Variants in KIF13A observed in about 807,000 individuals in gnomAD.
The protein encoded by KIF13A is kinesin family member 13A, also known as kinesin-like protein KIF13A.
KIF13A carries 79 observed loss-of-function variants against 212.2 expected under a neutral mutation model. The ratio of observed to expected loss-of-function variants is 0.37; its 90% confidence interval spans 0.31 to 0.45. The LOEUF (loss-of-function observed/expected upper bound fraction) is 0.45, where lower values mean the gene tolerates loss of function less well. KIF13A is among the 20% of genes least tolerant of loss of function. The pLI, the probability that KIF13A is intolerant of heterozygous loss-of-function variation, is 1.00. For missense variants in KIF13A, 1,901 were observed against 2,209.0 expected, an observed-to-expected ratio of 0.86 and a Z score of 2.79; for synonymous variants, 789 against 808.6, an observed-to-expected ratio of 0.98 and a Z score of 0.41.
rs1054891167 is a variant in KIF13A at position 17,915,125 on chromosome 6, A to G, written c.147-16945T>C. 6.6e-6 allele frequency among the ~76,000 whole-genome samples: 1 copy of G among 152,190 alleles called. No homozygotes were observed. The highest frequency in any genetic ancestry group is 1.5e-5 in the Non-Finnish European group (1 of 68,030). The stretch of plus-strand genomic sequence containing the variant: ...GAGATAATATATTTGACTTTTCTAC[A>G]TTAGGGAGTCAGAACCAAACTTCAT... On this transcript the variant is annotated intron_variant, in intron 2 of 38. Transcript: ENST00000259711. This position sits in a 1 kb window ranked among gnomAD's most constrained non-coding sequence, Gnocchi z 4.4.
chr6:17,815,594 C>T (rs918705831), intron 17 of KIF13A: 2 of 440,258 alleles, frequency 4.5e-6, no homozygotes, highest in African/African-American at 4.0e-5. Flanking sequence ...CACTGTGTCC[C>T]TTCAGCTCCT....
chr6:17,827,942 T>C (rs1765113639), intron 14 of KIF13A, among the ~76,000 whole-genome samples: 1 of 152,216 alleles, frequency 6.6e-6, no homozygotes, highest in Middle Eastern at 3.2e-3. Flanking sequence ...AAAAGAAATG[T>C]CACTTTGAGT....
chr6:17,820,828 A>G (rs1041154689), intron 16 of KIF13A, among the ~76,000 whole-genome samples: 2 of 152,220 alleles, frequency 1.3e-5, no homozygotes, highest in African/African-American at 4.8e-5. Context: ...AAGAATGGAA[A>G]AGAAAAAATG....
At chr6:17,937,892 G>C (rs1776616270) in intron 2 of KIF13A, among the ~76,000 whole-genome samples, 1 of 152,086 alleles carries the variant, frequency 6.6e-6, no homozygotes, top group Non-Finnish European at 1.5e-5. Flanking sequence ...GGGGCCACAG[G>C]CGTGCAACAC....
chr6:17,819,919 T>A (rs765411214), intron 16 of KIF13A, among the ~76,000 whole-genome samples: 18 of 152,124 alleles, frequency 1.2e-4, no homozygotes, highest in Non-Finnish European at 1.6e-4. Flanking sequence ...TATATTTAGA[T>A]GGAGCCCAAC....
In KIF13A at chr6:17,843,910, T is replaced by C. The variant is rs1248564545; in HGVS notation, c.830+5467A>G. 6.6e-6 allele frequency among the ~76,000 whole-genome samples: 1 copy of C among 151,982 alleles called. No individual in the cohort carries two copies. The highest frequency in any genetic ancestry group is 1.5e-5 in the Non-Finnish European group (1 of 67,988). ...AAATACAAAAATTAACTGAGCGTGG[T>C]GGCGCACGCCTATAATCCCAGCTAC... On this transcript the variant is annotated intron_variant, in intron 9 of 38. Transcript: ENST00000259711. This position sits in a 1 kb window ranked among gnomAD's most constrained non-coding sequence, Gnocchi z 5.3.
At position 17,987,154 on chromosome 6, in the gene KIF13A, G is replaced by A; in HGVS notation, c.56-10C>T. 3 of 1,603,620 alleles carry A rather than the reference G, an allele frequency of 1.9e-6. No individual in the cohort carries two copies. The highest frequency in any genetic ancestry group is 4.5e-5 in the East Asian group (2 of 44,548). On this transcript the variant is annotated splice_polypyrimidine_tract_variant and intron_variant, in intron 1 of 38. Transcript: ENST00000259711. This position sits in a 1 kb window ranked among gnomAD's most constrained non-coding sequence, Gnocchi z 7.7. ...GTGTTCAGTTCCAGTTCTGAAAGCAGAGAGAAAGGGACGTTGCAAAGTCCA... is the reference window on the plus strand; with the variant it reads ...GTGTTCAGTTCCAGTTCTGAAAGCAAAGAGAAAGGGACGTTGCAAAGTCCA...
Position 17,799,660 on chromosome 6 carries a change from T to C in KIF13A, c.2617-221A>G, listed in dbSNP as rs1762323076. 6.6e-6 allele frequency among the ~76,000 whole-genome samples: 1 copy of C among 152,132 alleles called. No individual in the cohort carries two copies. The highest frequency in any genetic ancestry group is 1.5e-5 in the Non-Finnish European group (1 of 68,034). On this transcript the variant is annotated intron_variant, in intron 21 of 38. Coordinates refer to ENST00000259711, the MANE Select transcript of KIF13A (RefSeq NM_022113.6). This position sits in a 1 kb window ranked among gnomAD's most constrained non-coding sequence, Gnocchi z 4.4. ...ATAAACTTGGCAACAAATACACACA[T>C]TCCTGCAAAAGCTTCCTAATGACTG...
chr6:17,869,389 C>G (rs1769789296), intron 4 of KIF13A, among the ~76,000 whole-genome samples: 2 of 152,300 alleles, frequency 1.3e-5, no homozygotes, highest in African/African-American at 4.8e-5. Context: ...TTCCTCCTCC[C>G]TAAGTCGCCA....
At chr6:17,866,893 AT>A (rs1346534151) in intron 4 of KIF13A, among the ~76,000 whole-genome samples, 1 of 147,024 alleles carries the variant, frequency 6.8e-6, no homozygotes, top group Non-Finnish European at 1.5e-5. Flanking sequence ...ACACACATAT[AT>A]ATACACTTAA....
intron 2 of KIF13A, among the ~76,000 whole-genome samples, chr6:17,966,494 GAA>G (rs564501705): frequency 2.3e-5 from 2 of 87,676 alleles, no homozygotes; most frequent in Non-Finnish European, 4.5e-5. Flanking sequence ...CAAAAGTTCT[GAA>G]AAAAAAAAAA....
At chr6:17,889,768 C>T (rs1378909934) in intron 3 of KIF13A, among the ~76,000 whole-genome samples, 2 of 152,148 alleles carry the variant, frequency 1.3e-5, no homozygotes, top group Admixed American at 6.5e-5. Context: ...GAGGCCTAGA[C>T]TGGAGCCAAG....
At position 17,839,138 on chromosome 6, in the gene KIF13A, T is replaced by A. The variant is rs1766263335; in HGVS notation, c.831-1555A>T. Among the ~76,000 whole-genome samples, 1 of 152,180 alleles carries A rather than the reference T, an allele frequency of 6.6e-6. No individual in the cohort carries two copies. The highest frequency in any genetic ancestry group is 6.5e-5 in the Admixed American group (1 of 15,278). ...CCCAGCCAAGAAGCTTAATTAATAC[T>A]TAATGAGTACAATGTATGTTATTCA... On this transcript the variant is annotated intron_variant, in intron 9 of 38. Transcript: ENST00000259711. This position sits in a 1 kb window ranked among gnomAD's most constrained non-coding sequence, Gnocchi z 4.3.
rs1781171981 is a variant in KIF13A at position 17,982,407 on chromosome 6, T to C, written c.146+4647A>G. Reference sequence around the variant, plus strand: ...GCCACTGTGTCTGGCCCCCAGGATTTGGAGCATTTTAGATTTCAGATGTTC... The same window carrying C: ...GCCACTGTGTCTGGCCCCCAGGATTCGGAGCATTTTAGATTTCAGATGTTC... On this transcript the variant is annotated intron_variant, in intron 2 of 38. Coordinates refer to ENST00000259711, the MANE Select transcript of KIF13A (RefSeq NM_022113.6). This position sits in a 1 kb window ranked among gnomAD's most constrained non-coding sequence, Gnocchi z 5.1. 3 of 983,556 alleles carry C rather than the reference T, an allele frequency of 3.1e-6. No homozygotes were observed. The highest frequency in any genetic ancestry group is 2.4e-6 in the Non-Finnish European group (2 of 828,390). 60.9% of individuals were successfully genotyped at this position (983,556 alleles called of 1,614,324 possible). A position where few individuals can be genotyped will look rare whatever the true frequency, so the allele number is the denominator to read the frequency against.
Position 17,947,241 on chromosome 6 carries a change from A to G in KIF13A, c.146+39813T>C, listed in dbSNP as rs1282838790. Among the ~76,000 whole-genome samples the G allele has an allele frequency of 6.6e-6, 1 of 152,194 alleles. No individual in the cohort carries two copies. Among genetic ancestry groups the G allele is most frequent in the Non-Finnish European group, 1.5e-5 (1 of 68,026 alleles). On this transcript the variant is annotated intron_variant, in intron 2 of 38. Coordinates refer to ENST00000259711, the MANE Select transcript of KIF13A (RefSeq NM_022113.6). The surrounding 1 kb of genome is among the most constrained non-coding windows in gnomAD (Gnocchi z 4.6). ...GGGAATAAGTGATATAAGAGACAAA[A>G]AAGTACAAGTTGGGTGGTGATACAA... is the stretch of plus-strand genomic sequence containing the variant.
chr6:17,904,414 G>C (rs1353937263), intron 2 of KIF13A, among the ~76,000 whole-genome samples: 7 of 152,320 alleles, frequency 4.6e-5, no homozygotes, highest in South Asian at 2.1e-4. Context: ...GTTGCAGTGA[G>C]CCGAGATTGC....
In KIF13A at chr6:17,850,185, G is replaced by A; in HGVS notation, c.717+138C>T. 1.2e-6 allele frequency: 1 copy of A among 830,284 alleles called. No individual in the cohort carries two copies. The highest frequency in any genetic ancestry group is 1.7e-6 in the Non-Finnish European group (1 of 572,012). 51.4% of individuals were successfully genotyped at this position (830,284 alleles called of 1,614,324 possible). On this transcript the variant is annotated intron_variant, in intron 8 of 38. Transcript: ENST00000259711. This position sits in a 1 kb window ranked among gnomAD's most constrained non-coding sequence, Gnocchi z 6.2. ...AAAGACCTAACAAATTAAATGATAA[G>A]CAAAGTAGCTCACCTAGTAAGCAGA...
chr6:17,943,020 A>G (rs900392873), intron 2 of KIF13A, among the ~76,000 whole-genome samples: 3 of 152,094 alleles, frequency 2.0e-5, no homozygotes, highest in Non-Finnish European at 4.4e-5. Context: ...CAAAAAAAAG[A>G]GTAGATTAAA....
intron 2 of KIF13A, among the ~76,000 whole-genome samples, chr6:17,901,229 A>C (rs563038590): frequency 6.6e-6 from 1 of 152,250 alleles, no homozygotes; most frequent in African/African-American, 2.4e-5. Flanking sequence ...TCTAGAGGCT[A>C]TATGTCCTTC....
Sources: gnomAD v4.1 joint callset for allele counts (sites outside exome capture counted in the v4.1 genomes callset) on GRCh38, gnomAD v4.1.1 for gene constraint, Gnocchi (gnomAD v3.1) non-coding constraint, MANE v1.5 for transcripts, NCBI Gene and HGNC (gene_info 2026-07-23, HGNC 2026-07-21) for gene names.